TRAPPC9: variants seen among roughly 807,000 people sequenced by gnomAD.
TRAPPC9 encodes the protein trafficking protein particle complex subunit 9.
Under a neutral mutation model 124.0 loss-of-function variants are expected in TRAPPC9, and 83 were observed. The ratio of observed to expected loss-of-function variants is 0.67; its 90% CI spans 0.56 to 0.80. The LOEUF (loss-of-function observed/expected upper bound fraction) is 0.80. Among genes scored for constraint, TRAPPC9 ranks in the 30% least tolerant of loss-of-function variants. The pLI, the probability that TRAPPC9 is intolerant of heterozygous loss-of-function variation, is 0.00. For synonymous variants in TRAPPC9, 638 were observed against 617.5 expected, an observed-to-expected ratio of 1.03 and a Z score of -0.49; for missense variants, 1,302 against 1,508.3, an observed-to-expected ratio of 0.86 and a Z score of 2.27.
At chr8:140,412,525 G>A (rs1397445899) in intron 5 of TRAPPC9, among the ~76,000 whole-genome samples, 6 of 152,118 alleles carry the variant, frequency 3.9e-5, no homozygotes, top group African/African-American at 1.2e-4. Flanking sequence ...TCACTGTACT[G>A]TTTATGTGAA....
rs548054755 is a variant in TRAPPC9 at position 139,733,841 on chromosome 8, G to A, written c.3056-1639C>T. 4.6e-5 allele frequency among the ~76,000 whole-genome samples: 7 copies of A among 152,342 alleles called. No individual in the cohort carries two copies. In the East Asian group the frequency reaches 1.2e-3, roughly 25 times the overall value. ...ACCTCTGTTCTGTGGCTGCAAGGAGGGCCCTGTGGGGTGTCCTCACTGCAG... is the reference window on the plus strand; with the variant it reads ...ACCTCTGTTCTGTGGCTGCAAGGAGAGCCCTGTGGGGTGTCCTCACTGCAG... On this transcript the variant is annotated intron_variant, in intron 21 of 22. Coordinates refer to ENST00000438773, the MANE Select transcript of TRAPPC9 (RefSeq NM_001160372.4).
chr8:140,291,192 C>T lies in TRAPPC9; in HGVS notation c.1769-114G>A, dbSNP rs527462516. On this transcript the variant is annotated intron_variant, in intron 11 of 22. Coordinates refer to ENST00000438773, the MANE Select transcript of TRAPPC9 (RefSeq NM_001160372.4). ...TACATTCTCAGTGAGGCAGCAGGCT[C>T]TATGATCTTCTTGAGATGGGTGATT... 51 of 933,714 alleles carry T rather than the reference C, an allele frequency of 5.5e-5. No individual in the cohort carries two copies. The African/African-American group carries it at 7.0e-4, about 13-fold the overall frequency. 57.8% of individuals were successfully genotyped at this position (933,714 alleles called of 1,614,324 possible).
intron 22 of TRAPPC9, among the ~76,000 whole-genome samples, 169 bp from the exon 23 acceptor site, chr8:139,731,397 G>A (rs1254642881): frequency 6.6e-6 from 1 of 152,202 alleles, no homozygotes; most frequent in Non-Finnish European, 1.5e-5. Context: ...CTCCGAGCCA[G>A]TTTTCATCTT....
chr8:139,898,584 G>A (rs1830813553), intron 20 of TRAPPC9, among the ~76,000 whole-genome samples: 1 of 152,078 alleles, frequency 6.6e-6, no homozygotes, highest in Non-Finnish European at 1.5e-5. Flanking sequence ...CGCTTCCTCG[G>A]AGCAGCGGTC....
intron 9 of TRAPPC9, among the ~76,000 whole-genome samples, chr8:140,316,748 T>C (rs2066452607): frequency 6.6e-6 from 1 of 152,218 alleles, no homozygotes; most frequent in Admixed American, 6.5e-5. Context: ...GGTTTTAGTA[T>C]ACCAAAGTAA....
At chr8:140,077,286 T>A (rs1275007520) in intron 17 of TRAPPC9, among the ~76,000 whole-genome samples, 1 of 152,238 alleles carries the variant, frequency 6.6e-6, no homozygotes, top group Non-Finnish European at 1.5e-5. Flanking sequence ...GGATCATGGT[T>A]CACTTGTTCA....
At chr8:140,434,135 G>T (rs999486279) in intron 4 of TRAPPC9, among the ~76,000 whole-genome samples, 2 of 152,198 alleles carry the variant, frequency 1.3e-5, no homozygotes, top group African/African-American at 2.4e-5. Context: ...CTTCTAGTGG[G>T]TATTTAGACC....
At chr8:139,926,369 A>G (rs964011990) in intron 19 of TRAPPC9, among the ~76,000 whole-genome samples, 1 of 152,270 alleles carries the variant, frequency 6.6e-6, no homozygotes, top group East Asian at 1.9e-4. Flanking sequence ...CCAAGACACA[A>G]TGGGAAACTG....
At chr8:140,261,933 A>C (rs2064430579) in intron 15 of TRAPPC9, among the ~76,000 whole-genome samples, 2 of 152,208 alleles carry the variant, frequency 1.3e-5, no homozygotes, top group Admixed American at 1.3e-4. Context: ...TTAGCATACT[A>C]GTTACTGTTA....
chr8:140,240,979 T>A (rs2131430027), intron 16 of TRAPPC9, among the ~76,000 whole-genome samples: 1 of 152,342 alleles, frequency 6.6e-6, no homozygotes, highest in Non-Finnish European at 1.5e-5. Context: ...GGGCCTGCCA[T>A]TCCCACGGGG....
At chr8:140,248,484 T>C (rs1363659603) in intron 16 of TRAPPC9, among the ~76,000 whole-genome samples, 2 of 152,234 alleles carry the variant, frequency 1.3e-5, no homozygotes, top group East Asian at 3.9e-4. Context: ...GTGCAGACGG[T>C]GAAACCGTGT....
intron 21 of TRAPPC9, among the ~76,000 whole-genome samples, chr8:139,760,759 T>C (rs936123971): frequency 5.9e-5 from 9 of 152,188 alleles, no homozygotes; most frequent in Non-Finnish European, 1.3e-4. Flanking sequence ...AGAGCACTTG[T>C]ACAGAGAAAC....
intron 17 of TRAPPC9, among the ~76,000 whole-genome samples, chr8:140,159,541 C>T (rs2061709857): frequency 6.6e-6 from 1 of 152,216 alleles, no homozygotes; most frequent in African/African-American, 2.4e-5. Flanking sequence ...AAAGAGAGTA[C>T]TGCATTTTAA....
intron 5 of TRAPPC9, among the ~76,000 whole-genome samples, chr8:140,407,052 T>TC (rs2069519959): frequency 6.6e-6 from 1 of 152,214 alleles, no homozygotes; most frequent in Admixed American, 6.5e-5. Context: ...CGACATTTTT[T>TC]CACACTCAGC....
chr8:140,212,449 G>A (rs911826484), intron 17 of TRAPPC9, among the ~76,000 whole-genome samples: 8 of 152,148 alleles, frequency 5.3e-5, no homozygotes, highest in African/African-American at 1.7e-4. Context: ...ACCCCAGTCC[G>A]TCAATATTTT....
intron 19 of TRAPPC9, among the ~76,000 whole-genome samples, chr8:139,956,692 G>T (rs1835010115): frequency 6.6e-6 from 1 of 152,240 alleles, no homozygotes; most frequent in Admixed American, 6.5e-5. Flanking sequence ...GGCGCCTGTG[G>T]ATGCAGAGGG....
chr8:139,847,745 A>G (rs113162562), intron 21 of TRAPPC9, among the ~76,000 whole-genome samples: 2,019 of 144,034 alleles, frequency 0.014, 41 homozygotes, highest in African/African-American at 0.049. Flanking sequence ...CCCAGCCTGC[A>G]GATGGGCACG....
intron 16 of TRAPPC9, among the ~76,000 whole-genome samples, chr8:140,250,615 A>G (rs894888385): frequency 1.3e-5 from 2 of 152,042 alleles, no homozygotes; most frequent in Middle Eastern, 3.2e-3. Context: ...GGCAGCCTCC[A>G]TGGACCAAGC....
chr8:139,981,175 C>G (rs1587404623), intron 19 of TRAPPC9, among the ~76,000 whole-genome samples: 1 of 152,132 alleles, frequency 6.6e-6, no homozygotes, highest in East Asian at 1.9e-4. Context: ...GGGTTTGTAT[C>G]AGGAAAACTG....
Sources: allele counts gnomAD v4.1 joint callset (sites outside exome capture counted in the v4.1 genomes callset), GRCh38; gene constraint gnomAD v4.1.1; transcripts MANE v1.5; gene names NCBI Gene and HGNC (gene_info 2026-07-23, HGNC 2026-07-21).